FBN2: variants seen among roughly 807,000 people sequenced by gnomAD.
FBN2 encodes the protein fibrillin-2.
In FBN2, 105 loss-of-function variants were observed where a neutral mutation model predicts 355.6. That is an observed-to-expected ratio of 0.30 (90% CI 0.25 to 0.35). The LOEUF (loss-of-function observed/expected upper bound fraction) is 0.35, where lower values mean the gene tolerates loss of function less well. FBN2 is among the 10% of genes least tolerant of loss of function. The pLI is 1.00. For synonymous variants in FBN2, 1,350 were observed against 1,301.2 expected, an observed-to-expected ratio of 1.04 and a Z score of -0.81; for missense variants, 3,280 against 3,758.7, an observed-to-expected ratio of 0.87 and a Z score of 3.33.
At chr5:128,392,460 T>G (rs1752541429) in intron 10 of FBN2, among the ~76,000 whole-genome samples, 1 of 152,218 alleles carries the variant, frequency 6.6e-6, no homozygotes, top group African/African-American at 2.4e-5. Context: ...CTGCTGAATA[T>G]TCAGATATAG....
intron 8 of FBN2, among the ~76,000 whole-genome samples, chr5:128,401,118 T>G (rs1021000766): frequency 1.3e-5 from 2 of 152,198 alleles, no homozygotes; most frequent in African/African-American, 2.4e-5. Flanking sequence ...TTCTTCCAAG[T>G]CTCTGGTATG....
chr5:128,490,549 T>C (rs1356770381), intron 5 of FBN2, among the ~76,000 whole-genome samples: 1 of 152,218 alleles, frequency 6.6e-6, no homozygotes, highest in Admixed American at 6.5e-5. Context: ...ACTCTAATGC[T>C]CACATTGTAA....
chr5:128,286,912 C>A, intron 54 of FBN2, 63 bp from the exon 55 acceptor site: 1 of 1,509,884 alleles, frequency 6.6e-7, no homozygotes, highest in South Asian at 1.2e-5. Context: ...ACTTTTAAGT[C>A]ACAGGTGTGG....
chr5:128,390,384 T>C (rs76363185), intron 11 of FBN2, among the ~76,000 whole-genome samples: 1 of 152,034 alleles, frequency 6.6e-6, no homozygotes, highest in African/African-American at 2.4e-5. Context: ...TTTTTTTTTT[T>C]AATCATGTTA....
At position 128,351,727 on chromosome 5, in the gene FBN2, T is replaced by G. The variant is rs571926189; in HGVS notation, c.2675-722A>C. On this transcript the variant is annotated intron_variant, in intron 20 of 64. Transcript: ENST00000262464. ...TATTCTAAGAGGAGTTGTCCAAGATTTTATGCTGGTACTCAGAAACACAGT... is the reference window on the plus strand; with the variant it reads ...TATTCTAAGAGGAGTTGTCCAAGATGTTATGCTGGTACTCAGAAACACAGT... Among the ~76,000 whole-genome samples the G allele has an allele frequency of 1.6e-4, 25 of 152,140 alleles. No homozygotes were observed. In the South Asian group the frequency reaches 4.6e-3, roughly 28 times the overall value.
intron 6 of FBN2, among the ~76,000 whole-genome samples, chr5:128,459,987 T>G (rs1754514260): frequency 6.6e-6 from 1 of 152,104 alleles, no homozygotes; most frequent in South Asian, 2.1e-4. Context: ...GAGAAAGAAA[T>G]AAAGGGTATT....
At chr5:128,296,436 G>A (rs921740547) in intron 48 of FBN2, among the ~76,000 whole-genome samples, 7 of 151,678 alleles carry the variant, frequency 4.6e-5, no homozygotes, top group Non-Finnish European at 8.8e-5. Flanking sequence ...TTGTACCTCT[G>A]GTAGAATTCG....
At chr5:128,415,089 A>G (rs992357029) in intron 7 of FBN2, among the ~76,000 whole-genome samples, 15 of 152,132 alleles carry the variant, frequency 9.9e-5, no homozygotes, top group African/African-American at 3.6e-4. Context: ...AAAATATAAC[A>G]TTTATACATT....
chr5:128,261,756 G>A lies in FBN2; in HGVS notation c.8344C>T (p.His2782Tyr), dbSNP rs745600341. Residue 2782 changes from histidine to tyrosine, a missense_variant, in exon 64 of 65, where the codon CAT becomes TAT. His to Tyr is a moderately conservative substitution (Grantham distance 83, BLOSUM62 2). Coordinates refer to ENST00000262464, the MANE Select transcript of FBN2 (RefSeq NM_001999.4). ...CTCACAGCAGTGGGATCAGGTTCAT[G>A]AATACTTCTCTTCTGCCTGCTGTCT... Reference protein sequence around the residue: ...KKDSRQKRSIHEPDPTAVEQI... With the variant: ...KKDSRQKRSIYEPDPTAVEQI... 1.1e-5 allele frequency: 17 copies of A among 1,614,052 alleles called. No homozygotes were observed. The highest frequency in any genetic ancestry group is 1.3e-5 in the African/African-American group (1 of 74,938).
At chr5:128,504,725 C>A (rs1025343596) in intron 5 of FBN2, among the ~76,000 whole-genome samples, 1 of 152,164 alleles carries the variant, frequency 6.6e-6, no homozygotes, top group African/African-American at 2.4e-5. Flanking sequence ...AGGGACTTGC[C>A]TTGTCTCAGA....
At chr5:128,331,382 C>T (rs1376385283) in intron 32 of FBN2, among the ~76,000 whole-genome samples, 4 of 151,824 alleles carry the variant, frequency 2.6e-5, no homozygotes, top group Admixed American at 6.6e-5. Context: ...TGGTAAGACA[C>T]CAAGGAGGAA....
In FBN2 at chr5:128,520,262, C is replaced by A. The variant is rs536322152; in HGVS notation, c.533-894G>T. Among the ~76,000 whole-genome samples, 14 of 152,298 alleles carry A rather than the reference C, an allele frequency of 9.2e-5. 1 individual carries two copies. In the South Asian group the frequency reaches 2.7e-3, roughly 29 times the overall value. ...ACTCGGTTCAGCCTAAAAGATCACA[C>A]TCTCTAGAATCCTTGGAACCTAAGT... On this transcript the variant is annotated intron_variant, in intron 4 of 64. Coordinates refer to ENST00000262464, the MANE Select transcript of FBN2 (RefSeq NM_001999.4).
intron 59 of FBN2, 85 bp from the exon 60 acceptor site, chr5:128,274,768 G>C: frequency 2.3e-6 from 2 of 851,930 alleles, no homozygotes; most frequent in Non-Finnish European, 4.1e-6. Context: ...AGATGCACAT[G>C]CTCCATTAGA....
chr5:128,466,902 T>A (rs949614716), intron 5 of FBN2, among the ~76,000 whole-genome samples: 19 of 152,210 alleles, frequency 1.2e-4, no homozygotes, highest in Non-Finnish European at 1.5e-5. Flanking sequence ...GATATAAATA[T>A]TTTGTCATTT....
chr5:128,411,732 A>C (rs556130354), intron 7 of FBN2, among the ~76,000 whole-genome samples: 5 of 152,354 alleles, frequency 3.3e-5, no homozygotes, highest in Admixed American at 3.3e-4. Flanking sequence ...GATCTCATTT[A>C]GGGTCGCAGG....
chr5:128,351,500 T>C (rs1342624456), intron 20 of FBN2, among the ~76,000 whole-genome samples: 2 of 151,962 alleles, frequency 1.3e-5, no homozygotes, highest in African/African-American at 2.4e-5. Flanking sequence ...TGAGCCAAGA[T>C]TGTGCCATTG....
chr5:128,407,680 AT>A (rs1752963937), intron 8 of FBN2, among the ~76,000 whole-genome samples: 2 of 152,200 alleles, frequency 1.3e-5, no homozygotes, highest in South Asian at 4.1e-4. Context: ...GACCTGATAT[AT>A]CAGTACATTT....
chr5:128,378,092 G>A (rs1402906688), intron 12 of FBN2, among the ~76,000 whole-genome samples: 2 of 135,386 alleles, frequency 1.5e-5, no homozygotes, highest in Non-Finnish European at 3.1e-5. Flanking sequence ...AAAAAAAAAA[G>A]AGGGTATCCA....
chr5:128,336,210 T>TAAA, intron 27 of FBN2, 97 bp from the exon 28 acceptor site: 1 of 1,208,406 alleles, frequency 8.3e-7, no homozygotes, highest in Non-Finnish European at 1.2e-6. Context: ...CAAAGGGGTT[T>TAAA]GTGTACTTCA....
Sources: gnomAD v4.1 joint callset for allele counts (sites outside exome capture counted in the v4.1 genomes callset) on GRCh38, gnomAD v4.1.1 for gene constraint, MANE v1.5 for transcripts, NCBI Gene and HGNC (gene_info 2026-07-23, HGNC 2026-07-21) for gene names.